The following ADAD1 variants were observed in gnomAD, a reference collection of about 807,000 sequenced individuals.
ADAD1 encodes the protein adenosine deaminase domain containing 1.
ADAD1 carries 46 observed loss-of-function variants against 66.8 expected under a neutral mutation model. The ratio of observed to expected loss-of-function variants is 0.69; its 90% CI spans 0.54 to 0.88. ADAD1 has a LOEUF of 0.88. Among genes scored for constraint, ADAD1 ranks in the 40% least tolerant of loss-of-function variants. ADAD1 has a pLI of 0.00. For synonymous variants in ADAD1, 248 were observed against 229.4 expected, an observed-to-expected ratio of 1.08 and a Z score of -0.73; for missense variants, 617 against 681.8, an observed-to-expected ratio of 0.91 and a Z score of 1.06.
At chr4:122,420,635 T>G (rs1055982544) in intron 11 of ADAD1, among the ~76,000 whole-genome samples, 1 of 152,226 alleles carries the variant, frequency 6.6e-6, no homozygotes, top group Admixed American at 6.5e-5. Context: ...ATTTTGACTG[T>G]TTTTGTTATC....
At chr4:122,386,114 C>T (rs1795159709) in intron 5 of ADAD1, among the ~76,000 whole-genome samples, 1 of 152,112 alleles carries the variant, frequency 6.6e-6, no homozygotes, top group Non-Finnish European at 1.5e-5. Context: ...TGAAGAATCA[C>T]CATGCTGTCC....
chr4:122,396,157 T>C lies in ADAD1; in HGVS notation c.599-95T>C, dbSNP rs916549641. The C allele has an allele frequency of 1.1e-5, 12 of 1,088,790 alleles. No individual in the cohort carries two copies. In the Admixed American group the frequency reaches 2.8e-4, roughly 25 times the overall value. 67.4% of individuals were successfully genotyped at this position (1,088,790 alleles called of 1,614,324 possible). A position where few individuals can be genotyped will look rare whatever the true frequency, so the allele number is the denominator to read the frequency against. ...TTTGCTTACAGATGTCTATATATTA[T>C]TAAATAATTTGATTGTAAGGTTATA... On this transcript the variant is annotated intron_variant, in intron 6 of 12. Coordinates refer to ENST00000296513, the MANE Select transcript of ADAD1 (RefSeq NM_139243.4).
At chr4:122,408,770 C>A (rs534129077) in intron 8 of ADAD1, among the ~76,000 whole-genome samples, 6 of 151,912 alleles carry the variant, frequency 3.9e-5, no homozygotes, top group Non-Finnish European at 8.8e-5. Flanking sequence ...GTAGTCCCAT[C>A]TACTTTGGAG....
At chr4:122,395,884 A>G (rs1217648225) in intron 6 of ADAD1, among the ~76,000 whole-genome samples, 1 of 152,184 alleles carries the variant, frequency 6.6e-6, no homozygotes, top group Non-Finnish European at 1.5e-5. Context: ...GGTTGTCACA[A>G]TGATTAGGGC....
At chr4:122,418,061 G>T (rs1480139426) in intron 11 of ADAD1, among the ~76,000 whole-genome samples, 3 of 142,066 alleles carry the variant, frequency 2.1e-5, no homozygotes. Flanking sequence ...GAAATATAAA[G>T]AAAAGAGCTT....
Position 122,393,613 on chromosome 4 carries a change from C to A in ADAD1, c.554C>A (p.Pro185His). ...GGTCCTCCTCCTTTCCCTGCAGAAC[C>A]TGTTGTTTTATCTGAACTAGCATAT... is the stretch of plus-strand genomic sequence containing the variant. The part of the protein sequence containing the change: ...TSGPPPFPAE[P>H]VVLSELAYVS... Residue 185 changes from proline (P) to histidine (H), a missense_variant, in exon 6 of 13, where the codon CCT becomes CAT. By Grantham distance (77) the Pro-to-His change is moderately conservative (BLOSUM62 -2). Coordinates refer to ENST00000296513, the MANE Select transcript of ADAD1 (RefSeq NM_139243.4). 6.3e-7 allele frequency: 1 copy of A among 1,599,846 alleles called. No homozygotes were observed. The highest frequency in any genetic ancestry group is 8.5e-7 in the Non-Finnish European group (1 of 1,174,462).
intron 7 of ADAD1, among the ~76,000 whole-genome samples, chr4:122,405,793 A>G (rs953522828): frequency 3.3e-5 from 5 of 152,096 alleles, no homozygotes; most frequent in Admixed American, 1.3e-4. Flanking sequence ...TACGAGTTCA[A>G]CCTTTTTAGA....
At chr4:122,424,461 C>G (rs1256835895) in intron 12 of ADAD1, among the ~76,000 whole-genome samples, 1 of 152,022 alleles carries the variant, frequency 6.6e-6, no homozygotes, top group African/African-American at 2.4e-5. Flanking sequence ...GGTAAGAAAT[C>G]GCTCTATATT....
At chr4:122,411,563 A>G (rs1404902438) in intron 9 of ADAD1, among the ~76,000 whole-genome samples, 171 bp downstream of exon 9, 3 of 152,138 alleles carry the variant, frequency 2.0e-5, no homozygotes, top group Non-Finnish European at 4.4e-5. Flanking sequence ...CTTCCCGTCA[A>G]TCTAATCTAT....
chr4:122,391,266 G>A (rs1487970026), intron 5 of ADAD1, among the ~76,000 whole-genome samples: 3 of 152,116 alleles, frequency 2.0e-5, no homozygotes, highest in African/African-American at 7.2e-5. Context: ...ACTTTGAGGG[G>A]CACCAACCTG....
chr4:122,422,551 G>A (rs1373530697), intron 12 of ADAD1, among the ~76,000 whole-genome samples: 1 of 152,038 alleles, frequency 6.6e-6, no homozygotes, highest in Non-Finnish European at 1.5e-5. Flanking sequence ...CCAACTTAAT[G>A]CTCAACCTGT....
At chr4:122,418,063 AAAG>A (rs1196111898) in intron 11 of ADAD1, among the ~76,000 whole-genome samples, 1 of 142,350 alleles carries the variant, frequency 7.0e-6, no homozygotes, top group African/African-American at 2.5e-5. Context: ...AATATAAAGA[AAAG>A]AGCTTTAAAA....
intron 7 of ADAD1, among the ~76,000 whole-genome samples, chr4:122,403,719 T>TA: frequency 6.6e-6 from 1 of 152,210 alleles, no homozygotes; most frequent in East Asian, 1.9e-4. Flanking sequence ...TATTCAGGTT[T>TA]CTCTGGCAGT....
chr4:122,406,520 T>C (rs1253828559), intron 7 of ADAD1, among the ~76,000 whole-genome samples: 1 of 152,216 alleles, frequency 6.6e-6, no homozygotes, highest in African/African-American at 2.4e-5. Flanking sequence ...GTTGTCTTTT[T>C]ATTTTGTCGA....
Position 122,411,221 on chromosome 4 carries a change from G to T in ADAD1, c.849-1G>T. 1 of 1,581,202 alleles carries T rather than the reference G, an allele frequency of 6.3e-7. No homozygotes were observed. Among genetic ancestry groups the T allele is most frequent in the South Asian group, 1.2e-5 (1 of 85,200 alleles). On this transcript the variant is annotated splice_acceptor_variant, in intron 8 of 12. Coordinates refer to ENST00000296513, the MANE Select transcript of ADAD1 (RefSeq NM_139243.4). LOFTEE classifies it high-confidence loss of function. Reference sequence around the variant, plus strand: ...TGACAAAATTATAACATTTATTTTAGGTACTTTTATAGACAACTTCTGCTC... The same window carrying T: ...TGACAAAATTATAACATTTATTTTATGTACTTTTATAGACAACTTCTGCTC...
At chr4:122,398,152 C>T (rs1795801472) in intron 7 of ADAD1, among the ~76,000 whole-genome samples, 1 of 151,850 alleles carries the variant, frequency 6.6e-6, no homozygotes, top group African/African-American at 2.4e-5. Flanking sequence ...CCCTGCTACC[C>T]TTCCCCCGGT....
chr4:122,411,074 A>G lies in ADAD1; in HGVS notation c.849-148A>G, dbSNP rs1695866279. 3 of 609,256 alleles carry G rather than the reference A, an allele frequency of 4.9e-6. No homozygotes were observed. In the South Asian group the frequency reaches 9.0e-5, roughly 18 times the overall value. 37.7% of individuals were successfully genotyped at this position (609,256 alleles called of 1,614,324 possible). ...TTCAAGAAACTTAATTTTTCATTAA[A>G]TAAAGCTAAGATTGATTTAGGAGTT... On this transcript the variant is annotated intron_variant, in intron 8 of 12. Coordinates refer to ENST00000296513, the MANE Select transcript of ADAD1 (RefSeq NM_139243.4).
chr4:122,381,831 A>C (rs79645730), intron 4 of ADAD1, among the ~76,000 whole-genome samples: 7,486 of 152,304 alleles, frequency 0.049, 261 homozygotes, highest in Non-Finnish European at 0.074. Context: ...TTTAAATTTT[A>C]AAAACTTTGT....
intron 4 of ADAD1, among the ~76,000 whole-genome samples, chr4:122,383,439 C>T (rs1273457490): frequency 1.3e-5 from 2 of 152,174 alleles, no homozygotes; most frequent in African/African-American, 2.4e-5. Context: ...TGAGATGTTA[C>T]GTGAAATCTC....
Sources: gnomAD v4.1 joint callset for allele counts (sites outside exome capture counted in the v4.1 genomes callset) on GRCh38, gnomAD v4.1.1 for gene constraint, MANE v1.5 for transcripts, NCBI Gene and HGNC (gene_info 2026-07-23, HGNC 2026-07-21) for gene names.